PFKL: variants seen among roughly 807,000 people sequenced by gnomAD.
PFKL encodes the protein phosphofructokinase, liver type, also known as ATP-dependent 6-phosphofructokinase, liver type.
In PFKL, 74 loss-of-function variants were observed where a neutral mutation model predicts 92.1. The ratio of observed to expected loss-of-function variants is 0.80; its 90% CI spans 0.67 to 0.97. The LOEUF (loss-of-function observed/expected upper bound fraction) is 0.97. Ranked by LOEUF, PFKL falls within the 50% of genes least tolerant of loss-of-function variation. PFKL has a pLI of 0.00. For synonymous variants in PFKL, 494 were observed against 456.4 expected, an observed-to-expected ratio of 1.08 and a Z score of -1.05; for missense variants, 1,028 against 1,116.6, an observed-to-expected ratio of 0.92 and a Z score of 1.13.
intron 2 of PFKL, among the ~76,000 whole-genome samples, chr21:44,307,788 G>A (rs927491043): frequency 2.6e-5 from 4 of 152,184 alleles, no homozygotes; most frequent in Non-Finnish European, 5.9e-5. Context: ...GGGTGTGGGG[G>A]CCTCTCTAGG....
At chr21:44,310,860 C>T (rs1012200374) in intron 2 of PFKL, 146 bp from the exon 3 acceptor site, 6 of 623,198 alleles carry the variant, frequency 9.6e-6, no homozygotes, top group South Asian at 1.9e-5. Flanking sequence ...GACCCTGTTA[C>T]CCAGGCCCTG....
chr21:44,323,157 G>A, intron 15 of PFKL, 108 bp downstream of exon 15: 1 of 882,586 alleles, frequency 1.1e-6, no homozygotes, highest in Non-Finnish European at 1.8e-6. Flanking sequence ...GGCCGATGCA[G>A]GGGCCGAGAG....
chr21:44,307,210 C>T (rs2146432686), intron 2 of PFKL: 1 of 907,768 alleles, frequency 1.1e-6, no homozygotes, highest in South Asian at 5.1e-5. Flanking sequence ...ACCCGGGGGG[C>T]AGCCGCTGGC....
rs2047373465 is a variant in PFKL at position 44,322,152 on chromosome 21, A to G, written c.1358A>G (p.His453Arg). 1.2e-6 allele frequency: 2 copies of G among 1,606,208 alleles called. No homozygotes were observed. Among genetic ancestry groups the G allele is most frequent in the Non-Finnish European group, 1.7e-6 (2 of 1,178,528 alleles). ...AKGQVQEVGW[H>R]DVAGWLGRGG... is the part of the protein sequence containing the mutation. ...TGGCAGGTGCAAGAAGTAGGCTGGC[A>G]CGACGTGGCCGGCTGGTTGGGGCGT... Residue 453 changes from histidine to arginine, a missense_variant, in exon 14 of 22, where the codon CAC becomes CGC. Transcript: ENST00000349048.
At chr21:44,303,001 G>A (rs138947340) in intron 1 of PFKL, among the ~76,000 whole-genome samples, 4,066 of 152,308 alleles carry the variant, frequency 0.027, 65 homozygotes, top group Non-Finnish European at 0.04. Context: ...GGGAGGCTGA[G>A]GCTGGTGGAT....
chr21:44,316,653 T>G (rs531466812), intron 9 of PFKL, 129 bp downstream of exon 9: 54 of 693,080 alleles, frequency 7.8e-5, no homozygotes, highest in African/African-American at 1.1e-4. Context: ...AGTGTCCGTG[T>G]CTGTGTGTGG....
In PFKL at chr21:44,323,814, G is replaced by A; in HGVS notation, c.1546G>A (p.Glu516Lys). The A allele has an allele frequency of 6.2e-7, 1 of 1,613,162 alleles. No individual in the cohort carries two copies. Among genetic ancestry groups the A allele is most frequent in the South Asian group, 1.1e-5 (1 of 91,072 alleles). The change falls in exon 16 of 22, where the codon GAG becomes AAG. Residue 516 changes from glutamate (E) to lysine (K), a missense_variant. By Grantham distance (56) the Glu-to-Lys change is moderately conservative. Coordinates refer to ENST00000349048, the MANE Select transcript of PFKL (RefSeq NM_002626.6). ...GGTGGAGGCTCGCGGGCGCTACGAG[G>A]AGCTCTGCATCGTCATGTGTGTCAT... ...QLVEARGRYE[E>K]LCIVMCVIPA...
At chr21:44,302,489 G>A (rs557334591) in intron 1 of PFKL, among the ~76,000 whole-genome samples, 1 of 152,192 alleles carries the variant, frequency 6.6e-6, no homozygotes, top group Non-Finnish European at 1.5e-5. Flanking sequence ...GCTGCCGTGT[G>A]GCTCCCCATG....
intron 1 of PFKL, among the ~76,000 whole-genome samples, chr21:44,302,958 C>T (rs2040816783): frequency 6.6e-6 from 1 of 152,258 alleles, no homozygotes; most frequent in South Asian, 2.1e-4. Flanking sequence ...ACAGGCCGGG[C>T]GCGGTGGCTC....
Position 44,304,175 on chromosome 21 carries a change from C to T in PFKL, c.86-2506C>T, listed in dbSNP as rs192042791. The T allele has an allele frequency of 2.2e-4, 278 of 1,275,798 alleles. 1 individual carries two copies. The highest frequency in any genetic ancestry group is 1.3e-3 in the South Asian group (103 of 79,420). 79.0% of individuals were successfully genotyped at this position (1,275,798 alleles called of 1,614,324 possible). On this transcript the variant is annotated intron_variant, in intron 1 of 21. Transcript: ENST00000349048. ...TTTTGGCAGCTTCATTGTCTCCGGG[C>T]GTCAAAGCAGGTTTTATTTTGCAGA...
At chr21:44,318,722 A>C in intron 10 of PFKL, 127 bp downstream of exon 10, 1 of 547,446 alleles carries the variant, frequency 1.8e-6, no homozygotes. Context: ...TGGCTGGCCC[A>C]GGGCATCCCA....
intron 11 of PFKL, 90 bp from the exon 12 acceptor site, chr21:44,319,994 A>G: frequency 1.7e-6 from 2 of 1,211,504 alleles, no homozygotes; most frequent in Admixed American, 1.7e-5. Flanking sequence ...TGTGCCTGTG[A>G]CCAGCCTCCT....
At chr21:44,322,825 G>T (rs2047392017) in intron 14 of PFKL, 137 bp from the exon 15 acceptor site, 3 of 568,446 alleles carry the variant, frequency 5.3e-6, no homozygotes, top group African/African-American at 1.9e-5. Context: ...TGGAGCCACA[G>T]CGCCACATCC....
intron 2 of PFKL, among the ~76,000 whole-genome samples, chr21:44,309,161 G>C (rs1036400469): frequency 1.3e-5 from 2 of 152,138 alleles, no homozygotes; most frequent in Non-Finnish European, 2.9e-5. Flanking sequence ...CTGCATTTTG[G>C]GTTTCTGAGC....
chr21:44,307,280 C>T, intron 2 of PFKL: 3 of 985,360 alleles, frequency 3.0e-6, no homozygotes, highest in Non-Finnish European at 3.6e-6. Flanking sequence ...TGCCCTACTG[C>T]CTCAGCCCCA....
At position 44,324,898 on chromosome 21, in the gene PFKL, C is replaced by G; in HGVS notation, c.1858C>G (p.Gln620Glu). Reference sequence around the variant, plus strand: ...GACGGAGAAGATGAAGACAGACATTCAGAGGGGCCTGGTGCTGCGGTGAGG... The same window carrying G: ...GACGGAGAAGATGAAGACAGACATTGAGAGGGGCCTGGTGCTGCGGTGAGG... ...HMTEKMKTDIQRGLVLRNEKC... is the reference protein window; with the variant it reads ...HMTEKMKTDIERGLVLRNEKC... Residue 620 changes from glutamine (Q) to glutamate (E), a missense_variant, in exon 18 of 22, where the codon CAG becomes GAG. By Grantham distance (29) the Gln-to-Glu change is conservative (BLOSUM62 2). Coordinates refer to ENST00000349048, the MANE Select transcript of PFKL (RefSeq NM_002626.6). 6.2e-7 allele frequency: 1 copy of G among 1,608,194 alleles called. No homozygotes were observed. Among genetic ancestry groups the G allele is most frequent in the Non-Finnish European group, 8.5e-7 (1 of 1,177,564 alleles).
chr21:44,326,794 G>A lies in PFKL; in HGVS notation c.2275G>A (p.Ala759Thr). 3 of 1,609,208 alleles carry A rather than the reference G, an allele frequency of 1.9e-6. No homozygotes were observed. Among genetic ancestry groups the A allele is most frequent in the Non-Finnish European group, 2.5e-6 (3 of 1,178,240 alleles). The change falls in exon 22 of 22, where the codon GCC becomes ACC. Residue 759 changes from alanine (A) to threonine (T), a missense_variant. By Grantham distance (58) the Ala-to-Thr change is moderately conservative. Coordinates refer to ENST00000349048, the MANE Select transcript of PFKL (RefSeq NM_002626.6). The stretch of plus-strand genomic sequence containing the variant: ...GCTGGCACAATACCGCATCAGTATG[G>A]CCGCCTACGTGTCAGGGGAGCTGGA... ...KMLAQYRISM[A>T]AYVSGELEHV...
In PFKL at chr21:44,316,436, T is replaced by C. The variant is rs755899527; in HGVS notation, c.848T>C (p.Val283Ala). The change falls in exon 9 of 22, where the codon GTG becomes GCG. Residue 283 changes from valine to alanine, a missense_variant. Physicochemically the swap from Val to Ala is moderately conservative, Grantham distance 64 (BLOSUM62 0). Coordinates refer to ENST00000349048, the MANE Select transcript of PFKL (RefSeq NM_002626.6). ...PISSSYVKDL[V>A]VQRLGFDTRV... Reference sequence around the variant, plus strand: ...GTCCTTCCCACTGTCCTGCAGCTGGTGGTTCAGAGGCTGGGCTTCGACACC... The same window carrying C: ...GTCCTTCCCACTGTCCTGCAGCTGGCGGTTCAGAGGCTGGGCTTCGACACC... The C allele has an allele frequency of 6.2e-7, 1 of 1,611,940 alleles. No homozygotes were observed. Among genetic ancestry groups the C allele is most frequent in the Non-Finnish European group, 8.5e-7 (1 of 1,179,050 alleles).
intron 18 of PFKL, 35 bp downstream of exon 18, chr21:44,324,952 C>T (rs912862432): frequency 2.2e-5 from 34 of 1,566,622 alleles, no homozygotes; most frequent in Admixed American, 3.6e-5. Context: ...CACAGCTGCG[C>T]GTCCAACTCT....
Sources: gnomAD v4.1 joint callset for allele counts (sites outside exome capture counted in the v4.1 genomes callset) on GRCh38, gnomAD v4.1.1 for gene constraint, MANE v1.5 for transcripts, NCBI Gene and HGNC (gene_info 2026-07-23, HGNC 2026-07-21) for gene names.